MYO16: variants seen among roughly 807,000 people sequenced by gnomAD.
The protein encoded by MYO16 is myosin XVI.
A neutral mutation model predicts 205.3 loss-of-function variants in MYO16; 94 were observed. The observed-to-expected ratio is 0.46, with a 90% CI of 0.39 to 0.54. The LOEUF (loss-of-function observed/expected upper bound fraction) is 0.54, where lower values mean the gene tolerates loss of function less well. MYO16 is among the 20% of genes least tolerant of loss of function. The probability of loss-of-function intolerance (pLI) is 0.00; values close to 1 mark genes in which losing one functional copy is unlikely to be tolerated. For synonymous variants in MYO16, 988 were observed against 954.0 expected (o/e 1.04, Z -0.66); for missense variants, 2,315 against 2,387.5 (o/e 0.97, Z 0.63).
chr13:108,963,340 G>A (rs374867226), intron 19 of MYO16, among the ~76,000 whole-genome samples: 26 of 152,084 alleles, frequency 1.7e-4, no homozygotes, highest in African/African-American at 4.8e-4. Context: ...ATCCCCAAAC[G>A]TAATGAATCT....
At chr13:108,523,144 G>A in the MYO16 span, among the ~76,000 whole-genome samples, 1 of 152,238 alleles carries the variant, frequency 6.6e-6, no homozygotes, top group East Asian at 1.9e-4. Flanking sequence ...TGAAACAGAC[G>A]CATCTGCTTG....
chr13:108,564,402 C>G, the MYO16 span, among the ~76,000 whole-genome samples: 1 of 152,122 alleles, frequency 6.6e-6, no homozygotes. Context: ...AACTCCTGAC[C>G]TCATGATCTG....
Position 109,162,672 on chromosome 13 carries a change from TA to T in MYO16, c.5165-2228del, listed in dbSNP as rs1241375443. Reference sequence around the variant, plus strand: ...GAAGCTCCCAGGTACCAGGCAGTGGTATTCATTATGTATCTCCCGCACTCAG... The same window carrying T: ...GAAGCTCCCAGGTACCAGGCAGTGGTTTCATTATGTATCTCCCGCACTCAG... On this transcript the variant is annotated intron_variant, in intron 32 of 34. Transcript: ENST00000457511. The surrounding 1 kb of genome is among the most constrained non-coding windows in gnomAD (Gnocchi z 4.6). 6.6e-6 allele frequency among the ~76,000 whole-genome samples: 1 copy of T among 152,172 alleles called. No homozygotes were observed. Among genetic ancestry groups the T allele is most frequent in the African/African-American group, 2.4e-5 (1 of 41,426 alleles).
chr13:108,693,955 G>A (rs931358023), intron 2 of MYO16, among the ~76,000 whole-genome samples: 14 of 152,150 alleles, frequency 9.2e-5, no homozygotes, highest in African/African-American at 3.1e-4. Context: ...GTGAGAATAT[G>A]TGGTATTTGG....
upstream of MYO16, among the ~76,000 whole-genome samples, chr13:108,595,715 G>A (rs193250393): frequency 1.7e-4 from 26 of 152,100 alleles, no homozygotes; most frequent in African/African-American, 6.0e-4. Context: ...TGATCTTCAC[G>A]CCTCCTCTTC....
At chr13:108,606,563 C>T (rs1367072157) in intron 1 of MYO16, among the ~76,000 whole-genome samples, 1 of 152,200 alleles carries the variant, frequency 6.6e-6, no homozygotes, top group Non-Finnish European at 1.5e-5. Flanking sequence ...GGTTTGGGAA[C>T]CTCCACCTTG....
chr13:108,960,103 A>G (rs1040819631), intron 17 of MYO16, among the ~76,000 whole-genome samples: 10 of 152,094 alleles, frequency 6.6e-5, no homozygotes, highest in African/African-American at 2.4e-4. Flanking sequence ...TGAGACCTCC[A>G]TCTCTACAAT....
At chr13:108,606,582 G>A (rs1161651866) in intron 1 of MYO16, among the ~76,000 whole-genome samples, 1 of 152,228 alleles carries the variant, frequency 6.6e-6, no homozygotes, top group African/African-American at 2.4e-5. Context: ...TGCTTTCAGA[G>A]GATGTATGGA....
Position 109,173,946 on chromosome 13 carries a change from A to AT in MYO16, c.5324-5595dup, listed in dbSNP as rs574916447. Among the ~76,000 whole-genome samples the AT allele has an allele frequency of 1.6e-3, 119 of 74,880 alleles. 3 individuals carry two copies. The highest frequency in any genetic ancestry group is 6.9e-3 in the South Asian group (14 of 2,034). 49.1% of individuals were successfully genotyped at this position (74,880 alleles called of 152,430 possible). On this transcript the variant is annotated intron_variant, in intron 33 of 34. Coordinates refer to ENST00000457511, the MANE Select transcript of MYO16 (RefSeq NM_001198950.3). Reference sequence around the variant, plus strand: ...CTCTGAAAGGGTTGTCCTTGTTTTGATGGGGGGGGGTACTCTCTGCTGTTT... The same window carrying AT: ...CTCTGAAAGGGTTGTCCTTGTTTTGATTGGGGGGGGGTACTCTCTGCTGTTT...
intron 27 of MYO16, among the ~76,000 whole-genome samples, chr13:109,069,039 G>A (rs778187495): frequency 2.0e-5 from 3 of 152,170 alleles, no homozygotes; most frequent in African/African-American, 7.2e-5. Context: ...ATTGTCCAAT[G>A]TAGTTCATCA....
At chr13:108,912,076 G>A (rs978097169) in intron 16 of MYO16, among the ~76,000 whole-genome samples, 1 of 152,154 alleles carries the variant, frequency 6.6e-6, no homozygotes, top group Non-Finnish European at 1.5e-5. Context: ...ACTGGAGAGA[G>A]GAGGGACTTT....
the MYO16 span, among the ~76,000 whole-genome samples, chr13:108,553,648 C>T: frequency 5.9e-5 from 9 of 152,156 alleles, no homozygotes; most frequent in African/African-American, 1.2e-4. Context: ...GTTATTCCCA[C>T]GGTTGGAATA....
At chr13:108,521,356 A>G in the MYO16 span, among the ~76,000 whole-genome samples, 1 of 152,382 alleles carries the variant, frequency 6.6e-6, no homozygotes, top group Non-Finnish European at 1.5e-5. Flanking sequence ...TACAGACTAT[A>G]TAAGATTTTA....
the MYO16 span, among the ~76,000 whole-genome samples, chr13:108,587,087 C>T: frequency 6.6e-6 from 1 of 152,192 alleles, no homozygotes; most frequent in Non-Finnish European, 1.5e-5. Context: ...GCCTCAAATC[C>T]ATCTTCCTGA....
chr13:109,025,871 C>G (rs1886345974), intron 23 of MYO16, among the ~76,000 whole-genome samples: 1 of 152,104 alleles, frequency 6.6e-6, no homozygotes, highest in African/African-American at 2.4e-5. Flanking sequence ...ATAAAAATTG[C>G]ATTAATGAAA....
intron 15 of MYO16, among the ~76,000 whole-genome samples, chr13:108,904,230 A>G (rs1043952875): frequency 2.6e-5 from 4 of 152,084 alleles, no homozygotes; most frequent in Admixed American, 2.0e-4. Context: ...CTAGTCCAGT[A>G]TTTTCCCTGA....
At chr13:108,527,067 A>G in the MYO16 span, among the ~76,000 whole-genome samples, 42 of 152,348 alleles carry the variant, frequency 2.8e-4, no homozygotes, top group African/African-American at 9.6e-4. Flanking sequence ...TGAGTTAATT[A>G]TCATGAGGTT....
At chr13:108,677,913 T>G (rs1242232674) in intron 2 of MYO16, among the ~76,000 whole-genome samples, 1 of 152,224 alleles carries the variant, frequency 6.6e-6, no homozygotes, top group African/African-American at 2.4e-5. Context: ...TCTGATTTAT[T>G]GTGCTCACAA....
At chr13:109,031,893 A>G (rs754108445) in intron 23 of MYO16, among the ~76,000 whole-genome samples, 2 of 152,152 alleles carry the variant, frequency 1.3e-5, no homozygotes, top group Non-Finnish European at 2.9e-5. Flanking sequence ...AAAACAACAG[A>G]TTTAATGGAA....
Sources: gnomAD v4.1 joint callset for allele counts (sites outside exome capture counted in the v4.1 genomes callset) on GRCh38, gnomAD v4.1.1 for gene constraint, Gnocchi (gnomAD v3.1) non-coding constraint, MANE v1.5 for transcripts, NCBI Gene and HGNC (gene_info 2026-07-23, HGNC 2026-07-21) for gene names.